The following EGF variants were observed in gnomAD, a reference collection of about 807,000 sequenced individuals.
EGF encodes pro-epidermal growth factor.
A neutral mutation model predicts 143.8 loss-of-function variants in EGF; 95 were observed. The observed-to-expected ratio is 0.66, with a 90% CI of 0.56 to 0.78. The LOEUF is 0.78. Among genes scored for constraint, EGF ranks in the 30% least tolerant of loss-of-function variants. EGF has a pLI of 0.00. For missense variants in EGF, 1,320 were observed against 1,470.9 expected (o/e 0.90, Z 1.68); for synonymous variants, 510 against 510.5 (o/e 1.00, Z 0.01).
chr4:110,002,648 T>G (rs1202334470), intron 21 of EGF, among the ~76,000 whole-genome samples: 1 of 151,706 alleles, frequency 6.6e-6, no homozygotes, highest in Admixed American at 6.6e-5. Flanking sequence ...TAACTTTGTT[T>G]TTTTGTGGGT....
intron 9 of EGF, 116 bp from the exon 10 acceptor site, chr4:109,964,285 A>C: frequency 6.9e-7 from 1 of 1,457,110 alleles, no homozygotes; most frequent in South Asian, 1.2e-5. Context: ...GGAAATTAAG[A>C]AAACAAGTAC....
At chr4:109,920,066 G>T in intron 1 of EGF, among the ~76,000 whole-genome samples, 1 of 151,518 alleles carries the variant, frequency 6.6e-6, no homozygotes, top group African/African-American at 2.4e-5. Flanking sequence ...AATTCATATA[G>T]ATGAATTTAT....
intron 15 of EGF, among the ~76,000 whole-genome samples, chr4:109,981,722 GA>G (rs1560732282): frequency 6.6e-6 from 1 of 151,998 alleles, no homozygotes; most frequent in Non-Finnish European, 1.5e-5. Context: ...GTTATGCAAT[GA>G]AAAAAAGAGG....
intron 14 of EGF, among the ~76,000 whole-genome samples, chr4:109,980,448 C>A (rs980996059): frequency 3.3e-5 from 5 of 152,170 alleles, no homozygotes; most frequent in African/African-American, 1.2e-4. Context: ...ACACTTGGAC[C>A]TTTCCATACC....
At position 109,988,579 on chromosome 4, in the gene EGF, C is replaced by T; in HGVS notation, c.2609-5C>T. On this transcript the variant is annotated splice_region_variant and splice_polypyrimidine_tract_variant and intron_variant, in intron 17 of 23. Coordinates refer to ENST00000265171, the MANE Select transcript of EGF (RefSeq NM_001963.6). ...TATTGCACTAGTTCATAATTTTGCC[C>T]ACAGATATAGATGAATGTGAGATGG... is the stretch of plus-strand genomic sequence containing the variant. The T allele has an allele frequency of 2.5e-6, 4 of 1,613,868 alleles. No homozygotes were observed. Among genetic ancestry groups the T allele is most frequent in the Non-Finnish European group, 2.5e-6 (3 of 1,179,846 alleles).
At chr4:110,006,875 C>T (rs6413480) in intron 22 of EGF, among the ~76,000 whole-genome samples, 63 of 152,308 alleles carry the variant, frequency 4.1e-4, no homozygotes, top group Non-Finnish European at 6.9e-4. Context: ...GAGCTGAACG[C>T]TCAAACTAGA....
chr4:109,932,377 A>ATATATATATAT (rs1553929849), intron 1 of EGF, among the ~76,000 whole-genome samples: 128 of 123,864 alleles, frequency 1.0e-3, no homozygotes, highest in African/African-American at 3.8e-3. Flanking sequence ...ATATATATAT[A>ATATATATATAT]AATTTTTTTT....
rs761151663 is a variant in EGF, at chr4:109,999,790, CGTGGTG to C, written c.3121_3126del (p.Val1041_Val1042del). ...AGAAGGTCATCGTGGTGGCTGTCTG[CGTGGTG>C]GTGCTTGTCATGCTGCTCCTCCTGA... On this transcript the variant is annotated inframe_deletion, in exon 21 of 24. Coordinates refer to ENST00000265171, the MANE Select transcript of EGF (RefSeq NM_001963.6). The C allele has an allele frequency of 1.9e-6, 3 of 1,613,872 alleles. No homozygotes were observed. The African/African-American group carries it at 4.0e-5, about 22-fold the overall frequency.
intron 11 of EGF, among the ~76,000 whole-genome samples, 194 bp downstream of exon 11, chr4:109,969,313 G>A (rs1027901087): frequency 1.3e-5 from 2 of 152,152 alleles, no homozygotes; most frequent in Non-Finnish European, 2.9e-5. Context: ...CTGTGTGCGT[G>A]GGAGGATTTT....
intron 1 of EGF, among the ~76,000 whole-genome samples, chr4:109,935,014 CT>C (rs1740501943): frequency 6.6e-6 from 1 of 152,032 alleles, no homozygotes; most frequent in South Asian, 2.1e-4. Flanking sequence ...CAGCTTTGTT[CT>C]TTTTGCTTAG....
chr4:110,011,053 A>T, intron 23 of EGF, 149 bp from the exon 24 acceptor site: 1 of 874,946 alleles, frequency 1.1e-6, no homozygotes, highest in Non-Finnish European at 1.7e-6. Flanking sequence ...AAAAAAAAAG[A>T]GAAAAAAATG....
At chr4:110,009,849 G>C (rs1340252680) in intron 23 of EGF, among the ~76,000 whole-genome samples, 1 of 152,164 alleles carries the variant, frequency 6.6e-6, no homozygotes, top group Non-Finnish European at 1.5e-5. Context: ...TCTTCACTGA[G>C]CTCAGCTGAC....
chr4:109,918,433 C>T lies in EGF; in HGVS notation c.127+4971C>T, dbSNP rs574114128. Among the ~76,000 whole-genome samples the T allele has an allele frequency of 5.3e-5, 8 of 152,206 alleles. No homozygotes were observed. In the East Asian group the frequency reaches 1.5e-3, roughly 29 times the overall value. Reference sequence around the variant, plus strand: ...CCTGGAGTTTGAGAAATGCCCAAGTCCTGTGGCTTGCTGGGCTCAGCATCT... The same window carrying T: ...CCTGGAGTTTGAGAAATGCCCAAGTTCTGTGGCTTGCTGGGCTCAGCATCT... On this transcript the variant is annotated intron_variant, in intron 1 of 23. Coordinates refer to ENST00000265171, the MANE Select transcript of EGF (RefSeq NM_001963.6).
At chr4:110,003,668 A>T (rs568754295) in intron 21 of EGF, among the ~76,000 whole-genome samples, 1 of 152,232 alleles carries the variant, frequency 6.6e-6, no homozygotes, top group East Asian at 1.9e-4. Flanking sequence ...TGCTTTGAGG[A>T]TGGGGATCCA....
At chr4:109,992,861 A>G (rs1169047599) in intron 18 of EGF, among the ~76,000 whole-genome samples, 1 of 148,560 alleles carries the variant, frequency 6.7e-6, no homozygotes, top group Admixed American at 6.8e-5. Context: ...AAAACCAAAC[A>G]CTGCATGTTC....
In EGF at chr4:109,943,378, A is replaced by C. The variant is rs1222656533; in HGVS notation, c.452A>C (p.His151Pro). 6.2e-7 allele frequency: 1 copy of C among 1,613,836 alleles called. No homozygotes were observed. Among genetic ancestry groups the C allele is most frequent in the South Asian group, 1.1e-5 (1 of 91,040 alleles). Residue 151 changes from histidine (H) to proline (P), a missense_variant, in exon 3 of 24, where the codon CAC becomes CCC. Physicochemically the swap from His to Pro is moderately conservative, Grantham distance 77. This residue lies in a region of EGF where 1,186 missense variants were observed against 1,313.7 expected (regional missense o/e 0.90). Transcript: ENST00000265171. ...TVTDMKGNNS[H>P]ILLSALKYPA... ...ACAGATATGAAAGGAAATAATTCCC[A>C]CATTCTTTTAAGTGCTTTAAAATAT... is the stretch of plus-strand genomic sequence containing the variant.
intron 1 of EGF, among the ~76,000 whole-genome samples, chr4:109,932,360 C>CATGTATAT (rs1739874444): frequency 1.1e-5 from 1 of 87,052 alleles, no homozygotes; most frequent in African/African-American, 4.4e-5. Flanking sequence ...CCCATTTAGT[C>CATGTATAT]ATATATATAT....
chr4:109,985,973 T>A (rs1165813654), intron 16 of EGF, among the ~76,000 whole-genome samples: 1 of 152,212 alleles, frequency 6.6e-6, no homozygotes, highest in Non-Finnish European at 1.5e-5. Context: ...GATCAAATAT[T>A]TGACTAAATA....
chr4:109,960,882 C>T lies in EGF; in HGVS notation c.1082C>T (p.Ala361Val), dbSNP rs1745572857. 1 of 1,613,732 alleles carries T rather than the reference C, an allele frequency of 6.2e-7. No individual in the cohort carries two copies. Among genetic ancestry groups the T allele is most frequent in the African/African-American group, 1.3e-5 (1 of 74,874 alleles). Residue 361 changes from alanine (A) to valine (V), a missense_variant, in exon 7 of 24, where the codon GCT becomes GTT. This residue lies in a region of EGF where 1,186 missense variants were observed against 1,313.7 expected (regional missense o/e 0.90). Transcript: ENST00000265171. Reference protein sequence around the residue: ...RKYCEDVNECAFWNHGCTLGC... With the variant: ...RKYCEDVNECVFWNHGCTLGC... ...CATTGTGCAGATGTTAATGAATGTGCTTTTTGGAATCATGGCTGTACTCTT... is the reference window on the plus strand; with the variant it reads ...CATTGTGCAGATGTTAATGAATGTGTTTTTTGGAATCATGGCTGTACTCTT...
Sources: gnomAD v4.1 joint callset for allele counts (sites outside exome capture counted in the v4.1 genomes callset) on GRCh38, gnomAD v4.1.1 for gene constraint, gnomAD v4.1.1 regional missense constraint, MANE v1.5 for transcripts, NCBI Gene and HGNC (gene_info 2026-07-23, HGNC 2026-07-21) for gene names.